Variants in STAT1 observed in about 807,000 individuals in gnomAD.
STAT1 encodes signal transducer and activator of transcription 1, also known as signal transducer and activator of transcription 1-alpha/beta.
Under a neutral mutation model 111.7 loss-of-function variants are expected in STAT1, and 24 were observed. The ratio of observed to expected loss-of-function variants is 0.21; its 90% CI spans 0.16 to 0.30. STAT1 has a LOEUF of 0.30. STAT1 is among the 10% of genes least tolerant of loss of function. STAT1 has a pLI of 1.00. For missense variants in STAT1, 351 were observed against 911.9 expected, an observed-to-expected ratio of 0.38 and a Z score of 7.92; for synonymous variants, 332 against 326.5, an observed-to-expected ratio of 1.02 and a Z score of -0.18.
chr2:191,010,269 T>C, intron 2 of STAT1: 2 of 500,390 alleles, frequency 4.0e-6, no homozygotes, highest in Non-Finnish European at 8.0e-6. Flanking sequence ...CTCTGGCCTC[T>C]TTTATTTAAA....
chr2:191,002,776 T>C (rs1301571490), intron 5 of STAT1, among the ~76,000 whole-genome samples: 2 of 152,164 alleles, frequency 1.3e-5, no homozygotes, highest in Non-Finnish European at 2.9e-5. Flanking sequence ...GTCTCTAGAA[T>C]GGAGATATAT....
rs1028090653 is a variant in STAT1, at chr2:190,970,618, C to T, written c.*85G>A. On this transcript the variant is annotated 3_prime_UTR_variant, in exon 25 of 25. Coordinates refer to ENST00000361099, the MANE Select transcript of STAT1 (RefSeq NM_007315.4). The surrounding 1 kb of genome is among the most constrained non-coding windows in gnomAD (Gnocchi z 5.4). ...CCTTTCTTTCATTTCCCTAGAAACA[C>T]AGGATGTGAAGGAACAGAGTAGCAG... 6.8e-7 allele frequency: 1 copy of T among 1,464,646 alleles called. No individual in the cohort carries two copies. The highest frequency in any genetic ancestry group is 1.4e-5 in the African/African-American group (1 of 71,824). The allele number at this position is 1,464,646 out of a possible 1,614,324, so 90.7% of individuals were successfully genotyped here. A position where few individuals can be genotyped will look rare whatever the true frequency, so the allele number is the denominator to read the frequency against.
At chr2:191,008,162 G>T (rs1376446788) in intron 4 of STAT1, 2 of 233,966 alleles carry the variant, frequency 8.5e-6, no homozygotes, top group South Asian at 4.6e-5. Flanking sequence ...TTCATGCAAG[G>T]TCTGTATGAG....
rs1319612138 is a variant in STAT1, at chr2:190,969,889, GA to G, written c.*813del. ...TTTCAACTTTTGAATGAGTGGTTGT[GA>G]ATAGCCTAACTCCCTTGGGAGAACT... On this transcript the variant is annotated 3_prime_UTR_variant, in exon 25 of 25. Coordinates refer to ENST00000361099, the MANE Select transcript of STAT1 (RefSeq NM_007315.4). The G allele has an allele frequency of 6.6e-6, 1 of 152,190 alleles. No homozygotes were observed. Among genetic ancestry groups the G allele is most frequent in the Non-Finnish European group, 1.5e-5 (1 of 68,022 alleles). 9.4% of individuals were successfully genotyped at this position (152,190 alleles called of 1,614,324 possible).
rs867065831 is a variant in STAT1, at chr2:190,994,925, A to T, written c.944+136T>A. 8.0e-3 allele frequency: 795 copies of T among 99,256 alleles called. 3 individuals carry two copies. Among genetic ancestry groups the T allele is most frequent in the African/African-American group, 0.045 (709 of 15,678 alleles). The allele number at this position is 99,256 out of a possible 1,614,324, so 6.1% of individuals were successfully genotyped here. On this transcript the variant is annotated intron_variant, in intron 10 of 24. Coordinates refer to ENST00000361099, the MANE Select transcript of STAT1 (RefSeq NM_007315.4). ...GTGAGACTCTATCTCAAAAAAAAAA[A>T]AAATATATATATATATATATATATA...
rs570170037 is a variant in STAT1 at position 191,006,702 on chromosome 2, G to A, written c.372+861C>T. Among the ~76,000 whole-genome samples the A allele has an allele frequency of 1.3e-5, 2 of 152,316 alleles. No homozygotes were observed. Among genetic ancestry groups the A allele is most frequent in the East Asian group, 3.9e-4 (2 of 5,182 alleles). On this transcript the variant is annotated intron_variant, in intron 5 of 24. Coordinates refer to ENST00000361099, the MANE Select transcript of STAT1 (RefSeq NM_007315.4). This position sits in a 1 kb window ranked among gnomAD's most constrained non-coding sequence, Gnocchi z 4.6. ...GTTGGCTTGTTGTCACCACCCCAGT[G>A]CTCAAGAAAGGAATACTAAATGCCA...
rs1692998372 is a variant in STAT1, at chr2:190,987,988, G to T, written c.1098-920C>A. ...ACACAAGGGCCCGAAGCAGCTGAGA[G>T]GAGCTGAGCTGACGCAGAAGATGGT... On this transcript the variant is annotated intron_variant, in intron 12 of 24. Transcript: ENST00000361099. The surrounding 1 kb of genome is among the most constrained non-coding windows in gnomAD (Gnocchi z 4.0). Among the ~76,000 whole-genome samples the T allele has an allele frequency of 6.6e-6, 1 of 152,246 alleles. No individual in the cohort carries two copies. The highest frequency in any genetic ancestry group is 2.4e-5 in the African/African-American group (1 of 41,460).
At position 190,974,723 on chromosome 2, in the gene STAT1, C is replaced by T; in HGVS notation, c.2238+107G>A. Reference sequence around the variant, plus strand: ...GAGCACTGCACTCTCCTTGGCTCCGCCAGGGCTCCCTCCCGCAGACAGGCC... The same window carrying T: ...GAGCACTGCACTCTCCTTGGCTCCGTCAGGGCTCCCTCCCGCAGACAGGCC... On this transcript the variant is annotated intron_variant, in intron 24 of 24. Coordinates refer to ENST00000361099, the MANE Select transcript of STAT1 (RefSeq NM_007315.4). This position sits in a 1 kb window ranked among gnomAD's most constrained non-coding sequence, Gnocchi z 4.8. 2.9e-6 allele frequency: 3 copies of T among 1,019,704 alleles called. No individual in the cohort carries two copies. Among genetic ancestry groups the T allele is most frequent in the Non-Finnish European group, 3.1e-6 (2 of 651,678 alleles). The allele number at this position is 1,019,704 out of a possible 1,614,324, so 63.2% of individuals were successfully genotyped here. A position where few individuals can be genotyped will look rare whatever the true frequency, so the allele number is the denominator to read the frequency against.
rs1010046469 is a variant in STAT1, at chr2:190,973,898, C to T, written c.2238+932G>A. ...GCAGATCTTACTGAGGCCTTATCAT[C>T]GCATTCCCCAAATGTCTGAAGAGTG... is the stretch of plus-strand genomic sequence containing the variant. On this transcript the variant is annotated intron_variant, in intron 24 of 24. Transcript: ENST00000361099. The surrounding 1 kb of genome is among the most constrained non-coding windows in gnomAD (Gnocchi z 4.4). 6.6e-6 allele frequency among the ~76,000 whole-genome samples: 1 copy of T among 152,130 alleles called. No individual in the cohort carries two copies. Among genetic ancestry groups the T allele is most frequent in the African/African-American group, 2.4e-5 (1 of 41,408 alleles).
chr2:190,991,149 T>A, intron 11 of STAT1, 79 bp downstream of exon 11: 1 of 1,353,710 alleles, frequency 7.4e-7, no homozygotes, highest in Non-Finnish European at 1.1e-6. Context: ...GCACCCTATA[T>A]AACAGTTTTT....
rs1329460023 is a variant in STAT1, at chr2:191,000,965, C to T, written c.462+109G>A. 3.2e-6 allele frequency: 3 copies of T among 937,826 alleles called. No homozygotes were observed. The highest frequency in any genetic ancestry group is 5.2e-6 in the Non-Finnish European group (3 of 580,188). The allele number at this position is 937,826 out of a possible 1,614,324, so 58.1% of individuals were successfully genotyped here. A position where few individuals can be genotyped will look rare whatever the true frequency, so the allele number is the denominator to read the frequency against. On this transcript the variant is annotated intron_variant, in intron 6 of 24. Coordinates refer to ENST00000361099, the MANE Select transcript of STAT1 (RefSeq NM_007315.4). This position sits in a 1 kb window ranked among gnomAD's most constrained non-coding sequence, Gnocchi z 4.8. ...ACTTCTGCAAAATTTTTCTTCCCAA[C>T]TACTTAAAAGACTGAACTCAGTTAC...
Position 190,993,337 on chromosome 2 carries a change from G to T in STAT1, c.944+1724C>A. 1 of 882,468 alleles carries T rather than the reference G, an allele frequency of 1.1e-6. No individual in the cohort carries two copies. Among genetic ancestry groups the T allele is most frequent in the Non-Finnish European group, 1.8e-6 (1 of 541,294 alleles). The allele number at this position is 882,468 out of a possible 1,614,324, so 54.7% of individuals were successfully genotyped here. On this transcript the variant is annotated intron_variant, in intron 10 of 24. Transcript: ENST00000361099. This position sits in a 1 kb window ranked among gnomAD's most constrained non-coding sequence, Gnocchi z 4.1. The stretch of plus-strand genomic sequence containing the variant: ...CATTGGCTCCTCTGTAATAACTGGA[G>T]ATGACTGTTCGAAACCTTTCCTGTT...
Position 190,989,689 on chromosome 2 carries a change from A to T in STAT1, c.1038-15T>A. The T allele has an allele frequency of 1.3e-6, 2 of 1,583,288 alleles. No individual in the cohort carries two copies. Among genetic ancestry groups the T allele is most frequent in the Non-Finnish European group, 1.7e-6 (2 of 1,157,488 alleles). On this transcript the variant is annotated splice_polypyrimidine_tract_variant and intron_variant, in intron 11 of 24. Transcript: ENST00000361099. The surrounding 1 kb of genome is among the most constrained non-coding windows in gnomAD (Gnocchi z 5.0). Reference sequence around the variant, plus strand: ...TCACCAACAGTCTGGAAAGAAAAATAAAAGCCATTACTTAAAAAAAATTAT... The same window carrying T: ...TCACCAACAGTCTGGAAAGAAAAATTAAAGCCATTACTTAAAAAAAATTAT...
In STAT1 at chr2:190,973,589, T is replaced by C. The variant is rs1383410158; in HGVS notation, c.2238+1241A>G. ...ACAGTTCCTGTGATGTAACATATTT[T>C]CTGAATAGGGCTTTATATTTATTCC... On this transcript the variant is annotated intron_variant, in intron 24 of 24. Coordinates refer to ENST00000361099, the MANE Select transcript of STAT1 (RefSeq NM_007315.4). This position sits in a 1 kb window ranked among gnomAD's most constrained non-coding sequence, Gnocchi z 4.4. Among the ~76,000 whole-genome samples the C allele has an allele frequency of 1.3e-5, 2 of 152,222 alleles. No individual in the cohort carries two copies. Among genetic ancestry groups the C allele is most frequent in the Non-Finnish European group, 2.9e-5 (2 of 68,040 alleles).
Position 191,004,579 on chromosome 2 carries a change from C to T in STAT1, c.372+2984G>A, listed in dbSNP as rs1471714522. On this transcript the variant is annotated intron_variant, in intron 5 of 24. Transcript: ENST00000361099. The surrounding 1 kb of genome is among the most constrained non-coding windows in gnomAD (Gnocchi z 5.0). ...GAACTAGTTTTAGAGTTGGACAATA[C>T]TGGGTTTAAATTCCAAACCTACTTC... Among the ~76,000 whole-genome samples the T allele has an allele frequency of 6.6e-6, 1 of 152,188 alleles. No individual in the cohort carries two copies. Among genetic ancestry groups the T allele is most frequent in the East Asian group, 1.9e-4 (1 of 5,202 alleles).
Position 190,993,689 on chromosome 2 carries a change from C to T in STAT1, c.944+1372G>A, listed in dbSNP as rs567692827. On this transcript the variant is annotated intron_variant, in intron 10 of 24. Coordinates refer to ENST00000361099, the MANE Select transcript of STAT1 (RefSeq NM_007315.4). The surrounding 1 kb of genome is among the most constrained non-coding windows in gnomAD (Gnocchi z 4.1). ...TAGGCTGTTCTGGGAGAGTAAATGT[C>T]TTCCCCGACTCTGCCCCCTGGAACG... 2.3e-6 allele frequency: 1 copy of T among 431,552 alleles called. No homozygotes were observed. Among genetic ancestry groups the T allele is most frequent in the African/African-American group, 2.0e-5 (1 of 49,624 alleles). 26.7% of individuals were successfully genotyped at this position (431,552 alleles called of 1,614,324 possible). A position where few individuals can be genotyped will look rare whatever the true frequency, so the allele number is the denominator to read the frequency against.
intron 4 of STAT1, 96 bp downstream of exon 4, chr2:191,008,867 C>A: frequency 1.5e-6 from 2 of 1,333,218 alleles, no homozygotes; most frequent in South Asian, 2.5e-5. Flanking sequence ...CTCTAAATAC[C>A]AATAAGTGTG....
intron 2 of STAT1, among the ~76,000 whole-genome samples, chr2:191,011,484 G>A (rs367698947): frequency 1.3e-5 from 2 of 152,148 alleles, no homozygotes; most frequent in East Asian, 3.9e-4. Context: ...TGGCAGTGGA[G>A]CGCAGTTCAC....
rs542286868 is a variant in STAT1, at chr2:190,987,602, G to T, written c.1098-534C>A. On this transcript the variant is annotated intron_variant, in intron 12 of 24. Transcript: ENST00000361099. This position sits in a 1 kb window ranked among gnomAD's most constrained non-coding sequence, Gnocchi z 4.0. ...TTTAATGCTCTCATGAAAGTACCAG[G>T]AAAGTCAGTTATCTGGGGAAAGTGG... Among the ~76,000 whole-genome samples, 1 of 152,176 alleles carries T rather than the reference G, an allele frequency of 6.6e-6. No individual in the cohort carries two copies. Among genetic ancestry groups the T allele is most frequent in the Non-Finnish European group, 1.5e-5 (1 of 68,032 alleles).
Sources: allele counts gnomAD v4.1 joint callset (sites outside exome capture counted in the v4.1 genomes callset), GRCh38; gene constraint gnomAD v4.1.1; non-coding constraint Gnocchi (gnomAD v3.1); transcripts MANE v1.5; gene names NCBI Gene and HGNC (gene_info 2026-07-23, HGNC 2026-07-21).